The following ZSCAN9 variants were observed in gnomAD, a reference collection of about 807,000 sequenced individuals.
ZSCAN9 encodes the protein zinc finger and SCAN domain containing 9.
A neutral mutation model predicts 23.0 loss-of-function variants in ZSCAN9; 19 were observed. The observed-to-expected ratio is 0.83, with a 90% CI of 0.58 to 1.21. The LOEUF (loss-of-function observed/expected upper bound fraction) is 1.21, where lower values mean the gene tolerates loss of function less well. Among genes scored for constraint, ZSCAN9 ranks in the 50% most tolerant of loss-of-function variants. The pLI is 0.00. For synonymous variants in ZSCAN9, 155 were observed against 164.8 expected (o/e 0.94, Z 0.46); for missense variants, 467 against 471.5 (o/e 0.99, Z 0.09).
chr6:28,226,963 A>C, intron 1 of ZSCAN9, 49 bp from the exon 2 acceptor site: 1 of 781,262 alleles, frequency 1.3e-6, no homozygotes, highest in Non-Finnish European at 2.0e-6. Context: ...AGTTTCTGTC[A>C]TCAGCTATTA....
chr6:28,228,083 G>A (rs1487113803), intron 3 of ZSCAN9: 1 of 689,546 alleles, frequency 1.5e-6, no homozygotes, highest in African/African-American at 1.8e-5. Flanking sequence ...AGGCTTTCAG[G>A]GATCGCTGTG....
At chr6:28,228,648 A>G (rs1760197486) in intron 3 of ZSCAN9, 2 of 154,514 alleles carry the variant, frequency 1.3e-5, no homozygotes, top group Non-Finnish European at 2.9e-5. Flanking sequence ...CATTGTGAGT[A>G]TCAAATACAA....
chr6:28,233,329 G>T lies in ZSCAN9; in HGVS notation c.*151G>T. ...AGGGACTTCCTTAAAGGAAAGTTGG[G>T]TGTTTGAAGCTACTGTTTTCTCTTT... On this transcript the variant is annotated 3_prime_UTR_variant, in exon 4 of 4. Transcript: ENST00000252207. The T allele has an allele frequency of 7.2e-7, 1 of 1,382,108 alleles. No homozygotes were observed. 85.6% of individuals were successfully genotyped at this position (1,382,108 alleles called of 1,614,324 possible). A position where few individuals can be genotyped will look rare whatever the true frequency, so the allele number is the denominator to read the frequency against.
At chr6:28,230,323 T>G (rs1267407577) in intron 3 of ZSCAN9, 1 of 1,524,442 alleles carries the variant, frequency 6.6e-7, no homozygotes, top group South Asian at 1.2e-5. Flanking sequence ...CCCAGCTCCC[T>G]TATGGATTTC....
intron 3 of ZSCAN9, chr6:28,228,656 C>A (rs781402433): frequency 6.5e-6 from 1 of 154,564 alleles, no homozygotes; most frequent in Non-Finnish European, 1.5e-5. Context: ...GTATCAAATA[C>A]AATTTATGAA....
chr6:28,227,961 G>A, intron 3 of ZSCAN9, 124 bp downstream of exon 3: 1 of 1,137,094 alleles, frequency 8.8e-7, no homozygotes, highest in Non-Finnish European at 1.3e-6. Flanking sequence ...GTAATGGTCA[G>A]TTCTTCTGAG....
At chr6:28,229,854 A>C (rs1202035358) in intron 3 of ZSCAN9, among the ~76,000 whole-genome samples, 1 of 144,608 alleles carries the variant, frequency 6.9e-6, no homozygotes, top group Non-Finnish European at 1.5e-5. Context: ...ATCTTCCCAT[A>C]TTTTTCTTTT....
chr6:28,228,895 G>A (rs1760203474), intron 3 of ZSCAN9: 1 of 154,118 alleles, frequency 6.5e-6, no homozygotes, highest in Non-Finnish European at 1.5e-5. Flanking sequence ...CTGAGCACTT[G>A]GGACTGAGTC....
At chr6:28,230,116 C>T (rs748814191) in intron 3 of ZSCAN9, among the ~76,000 whole-genome samples, 6 of 152,250 alleles carry the variant, frequency 3.9e-5, no homozygotes, top group African/African-American at 7.2e-5. Context: ...CTCGGCCTCC[C>T]GAAGTGCTGG....
rs1451306215 is a variant in ZSCAN9 at position 28,233,174 on chromosome 6, T to G, written c.1181T>G (p.Val394Gly). The part of the protein sequence containing the change: ...HQKIHTVAEL[V>G] ...AAGATCCACACAGTGGCTGAGCTGG[T>G]CTAGGGCTTGGCTATGAGCAAGTTT... Residue 394 changes from valine to glycine, a missense_variant, in exon 4 of 4, where the codon GTC becomes GGC. Physicochemically the swap from Val to Gly is moderately radical, Grantham distance 109 (BLOSUM62 -3). Transcript: ENST00000252207. 20 of 1,611,172 alleles carry G rather than the reference T, an allele frequency of 1.2e-5. No homozygotes were observed. The highest frequency in any genetic ancestry group is 1.5e-5 in the Non-Finnish European group (18 of 1,177,644).
intron 3 of ZSCAN9, among the ~76,000 whole-genome samples, chr6:28,230,997 A>G (rs1760285310): frequency 6.6e-6 from 1 of 152,134 alleles, no homozygotes. Context: ...TGGATTTGAA[A>G]TTCATAAAGT....
At position 28,233,059 on chromosome 6, in the gene ZSCAN9, C is replaced by A; in HGVS notation, c.1066C>A (p.His356Asn). The stretch of plus-strand genomic sequence containing the variant: ...CAGTCGGCGTTCATTTCTCATTGAA[C>A]ATCAGAGAAGCCACACAGGGGAGCG... ...SYSRRSFLIE[H>N]QRSHTGERPH... The change falls in exon 4 of 4, where the codon CAT (histidine) becomes AAT (asparagine). Residue 356 changes from histidine to asparagine, a missense_variant. Transcript: ENST00000252207. The A allele has an allele frequency of 7.4e-6, 12 of 1,614,144 alleles. No individual in the cohort carries two copies. The highest frequency in any genetic ancestry group is 1.0e-5 in the Non-Finnish European group (12 of 1,180,024).
rs1038896214 is a variant in ZSCAN9 at position 28,233,084 on chromosome 6, G to A, written c.1091G>A (p.Arg364Gln). 3.7e-6 allele frequency: 6 copies of A among 1,614,180 alleles called. No individual in the cohort carries two copies. Among genetic ancestry groups the A allele is most frequent in the African/African-American group, 1.3e-5 (1 of 75,042 alleles). Residue 364 changes from arginine (R) to glutamine (Q), a missense_variant, in exon 4 of 4, where the codon CGA (arginine) becomes CAA (glutamine). By Grantham distance (43) the Arg-to-Gln change is conservative. Transcript: ENST00000252207. ...IEHQRSHTGE[R>Q]PHQCIECGKS... is the part of the protein sequence containing the mutation. ...CATCAGAGAAGCCACACAGGGGAGC[G>A]ACCTCACCAGTGCATTGAATGTGGG... is the stretch of plus-strand genomic sequence containing the variant.
intron 3 of ZSCAN9, chr6:28,230,199 C>A (rs372384332): frequency 1.2e-5 from 9 of 759,818 alleles, no homozygotes; most frequent in African/African-American, 7.1e-5. Context: ...ATAATAACAT[C>A]GAGTTTTGTG....
intron 3 of ZSCAN9, among the ~76,000 whole-genome samples, chr6:28,231,327 A>T (rs1476385035): frequency 6.6e-6 from 1 of 152,242 alleles, no homozygotes; most frequent in African/African-American, 2.4e-5. Flanking sequence ...CTATGTGTGC[A>T]ACAGGCAGGC....
Position 28,232,677 on chromosome 6 carries a change from T to C in ZSCAN9, c.684T>C (p.Asp228=). 2 of 1,614,066 alleles carry C rather than the reference T, an allele frequency of 1.2e-6. No individual in the cohort carries two copies. The highest frequency in any genetic ancestry group is 1.6e-4 in the Middle Eastern group (1 of 6,062). Residue 228 remains aspartate, a synonymous_variant, in exon 4 of 4, where the codon GAT becomes GAC. Transcript: ENST00000252207. ...NEQTWEVSQQ[D]PSHGEVGEHK... ...AGACCTGGGAGGTATCACAGCAGGA[T>C]CCCTCACATGGAGAAGTTGGTGAAC...
chr6:28,227,471 T>C lies in ZSCAN9; in HGVS notation c.387T>C (p.Asp129=). 3 of 1,609,742 alleles carry C rather than the reference T, an allele frequency of 1.9e-6. No individual in the cohort carries two copies. The highest frequency in any genetic ancestry group is 2.5e-6 in the Non-Finnish European group (3 of 1,177,904). Residue 129 remains aspartate (D), a synonymous_variant, in exon 2 of 4, where the codon GAT becomes GAC. Coordinates refer to ENST00000252207, the MANE Select transcript of ZSCAN9 (RefSeq NM_006299.5). ...AAGAGGCTGTGATTTTGCTGGAGGA[T>C]CTGGAGAGAGAGCTCGATGAACCAC... The part of the protein sequence containing the change: ...SGEEAVILLE[D]LERELDEPQH...
chr6:28,232,359 G>T (rs1414958152), intron 3 of ZSCAN9, among the ~76,000 whole-genome samples: 2 of 152,124 alleles, frequency 1.3e-5, no homozygotes, highest in Non-Finnish European at 2.9e-5. Context: ...CAACGACTCA[G>T]GCCAAGTCTA....
At chr6:28,227,635 T>G (rs1760159494) in intron 2 of ZSCAN9, 55 bp from the exon 3 acceptor site, 2 of 1,580,592 alleles carry the variant, frequency 1.3e-6, no homozygotes, top group Admixed American at 2.1e-5. Flanking sequence ...CTTGGAAGTG[T>G]TTATTTCAGA....
Sources: allele counts gnomAD v4.1 joint callset (sites outside exome capture counted in the v4.1 genomes callset), GRCh38; gene constraint gnomAD v4.1.1; transcripts MANE v1.5; gene names NCBI Gene and HGNC (gene_info 2026-07-23, HGNC 2026-07-21).